Variants in IGDCC3 observed in about 807,000 individuals in gnomAD.
The protein encoded by IGDCC3 is putative neuronal cell adhesion molecule.
IGDCC3 carries 47 observed loss-of-function variants against 72.0 expected under a neutral mutation model. That is an observed-to-expected ratio of 0.65 (90% CI 0.52 to 0.83). The LOEUF (loss-of-function observed/expected upper bound fraction) is 0.83. Among genes scored for constraint, IGDCC3 ranks in the 40% least tolerant of loss-of-function variants. The pLI, the probability that IGDCC3 is intolerant of heterozygous loss-of-function variation, is 0.00. For synonymous variants in IGDCC3, 477 were observed against 472.8 expected, an observed-to-expected ratio of 1.01 and a Z score of -0.11; for missense variants, 1,038 against 1,091.3, an observed-to-expected ratio of 0.95 and a Z score of 0.69.
Position 65,335,899 on chromosome 15 carries a change from G to A in IGDCC3, c.467C>T (p.Ala156Val), listed in dbSNP as rs1424587753. ...CCCATGGATTTGGCACTGGAAGCGG[G>A]CCACACCACCCTCCTCACCCACGGT... ...QATVGEEGGV[A>V]RFQCQIHGLP... Residue 156 changes from alanine to valine, a missense_variant, in exon 3 of 14, where the codon GCC becomes GTC. Transcript: ENST00000327987. 1.2e-6 allele frequency: 2 copies of A among 1,614,034 alleles called. No homozygotes were observed. The highest frequency in any genetic ancestry group is 2.7e-5 in the African/African-American group (2 of 74,920).
chr15:65,347,011 C>G (rs554036940), intron 2 of IGDCC3, among the ~76,000 whole-genome samples: 1 of 152,292 alleles, frequency 6.6e-6, no homozygotes, highest in Non-Finnish European at 1.5e-5. Flanking sequence ...AGCAGAGCCC[C>G]TCTCCACAGA....
At chr15:65,345,189 CA>C (rs2091115246) in intron 2 of IGDCC3, among the ~76,000 whole-genome samples, 1 of 152,160 alleles carries the variant, frequency 6.6e-6, no homozygotes, top group African/African-American at 2.4e-5. Flanking sequence ...GACATTCTGA[CA>C]CCCCAGGAGC....
chr15:65,336,082 T>C, intron 2 of IGDCC3, 126 bp from the exon 3 acceptor site: 1 of 944,202 alleles, frequency 1.1e-6, no homozygotes, highest in Non-Finnish European at 1.6e-6. Context: ...GGAGTTTTCC[T>C]GCAAGGGCAA....
At chr15:65,364,682 G>C (rs2091279796) in intron 2 of IGDCC3, among the ~76,000 whole-genome samples, 1 of 151,946 alleles carries the variant, frequency 6.6e-6, no homozygotes, top group Admixed American at 6.6e-5. Context: ...AGGAGTTTGA[G>C]GCCAGCCTGA....
At chr15:65,351,217 A>T (rs954070241) in intron 2 of IGDCC3, among the ~76,000 whole-genome samples, 1 of 152,252 alleles carries the variant, frequency 6.6e-6, no homozygotes, top group African/African-American at 2.4e-5. Context: ...TTCACAAAAA[A>T]ATGTAAAGGG....
chr15:65,334,717 A>G lies in IGDCC3; in HGVS notation c.823+11T>C, dbSNP rs1419589325. ...GCTGGGAGGGGCAGGGGCTGTGGGGATGAGGCTCACCCAGGCGGCTCCAGG... is the reference window on the plus strand; with the variant it reads ...GCTGGGAGGGGCAGGGGCTGTGGGGGTGAGGCTCACCCAGGCGGCTCCAGG... On this transcript the variant is annotated intron_variant, in intron 5 of 13. Coordinates refer to ENST00000327987, the MANE Select transcript of IGDCC3 (RefSeq NM_004884.4). 3.9e-6 allele frequency: 6 copies of G among 1,547,324 alleles called. No individual in the cohort carries two copies. Among genetic ancestry groups the G allele is most frequent in the Middle Eastern group, 1.8e-4 (1 of 5,448 alleles).
chr15:65,376,231 A>C (rs2091358022), intron 1 of IGDCC3, among the ~76,000 whole-genome samples: 1 of 152,154 alleles, frequency 6.6e-6, no homozygotes, highest in Non-Finnish European at 1.5e-5. Flanking sequence ...CTTCCAGCCA[A>C]CCTCTCTGCT....
chr15:65,329,013 C>T lies in IGDCC3; in HGVS notation c.2341G>A (p.Ala781Thr). The change falls in exon 14 of 14, where the codon GCT (alanine) becomes ACT (threonine). Residue 781 changes from alanine to threonine, a missense_variant. Physicochemically the swap from Ala to Thr is moderately conservative, Grantham distance 58. Transcript: ENST00000327987. This position sits in a 1 kb window ranked among gnomAD's most constrained non-coding sequence, Gnocchi z 4.1. ...EATAPCAGLA[A>T]APPPPDGGPG... is the part of the protein sequence containing the mutation. ...CCTCCATCTGGGGGTGGTGGGGCAGCCGCCAGGCCGGCGCAGGGAGCCGTG... is the reference window on the plus strand; with the variant it reads ...CCTCCATCTGGGGGTGGTGGGGCAGTCGCCAGGCCGGCGCAGGGAGCCGTG... 3 of 1,611,690 alleles carry T rather than the reference C, an allele frequency of 1.9e-6. No individual in the cohort carries two copies. Among genetic ancestry groups the T allele is most frequent in the East Asian group, 4.5e-5 (2 of 44,824 alleles).
intron 2 of IGDCC3, among the ~76,000 whole-genome samples, chr15:65,352,143 T>G (rs2091178668): frequency 6.6e-6 from 1 of 152,242 alleles, no homozygotes; most frequent in Admixed American, 6.5e-5. Context: ...ATCTTTTTAA[T>G]TTTGCTTAAA....
At chr15:65,375,691 T>C (rs1345247916) in intron 1 of IGDCC3, among the ~76,000 whole-genome samples, 2 of 152,248 alleles carry the variant, frequency 1.3e-5, no homozygotes, top group Non-Finnish European at 2.9e-5. Context: ...TCAAGTGACT[T>C]GCCCAGGGTC....
chr15:65,373,275 T>C (rs2140173889), intron 2 of IGDCC3, among the ~76,000 whole-genome samples: 1 of 152,216 alleles, frequency 6.6e-6, no homozygotes, highest in South Asian at 2.1e-4. Flanking sequence ...TCTGCAAATC[T>C]TACCGGGGTC....
intron 9 of IGDCC3, 129 bp downstream of exon 9, chr15:65,330,919 TAG>T: frequency 8.6e-7 from 1 of 1,166,960 alleles, no homozygotes. Context: ...TTCCTCCAAG[TAG>T]ACTCAGCCCT....
Position 65,330,604 on chromosome 15 carries a change from T to A in IGDCC3, c.1699A>T (p.Thr567Ser), listed in dbSNP as rs147571715. The A allele has an allele frequency of 6.2e-7, 1 of 1,613,614 alleles. No homozygotes were observed. Among genetic ancestry groups the A allele is most frequent in the Non-Finnish European group, 8.5e-7 (1 of 1,179,980 alleles). ...GTTCCAGGCAGCAGGATGGGGCCGG[T>A]GAAGGAGGTCTTGCTTGCTGGGCGG... ...FYRPASKTSF[T>S]GPILLPGTVS... Residue 567 changes from threonine to serine, a missense_variant, in exon 10 of 14, where the codon ACC (threonine) becomes TCC (serine). Thr to Ser is a moderately conservative substitution (Grantham distance 58). Transcript: ENST00000327987.
chr15:65,333,436 G>A (rs1476838173), intron 5 of IGDCC3, 21 bp from the exon 6 acceptor site: 2 of 1,579,072 alleles, frequency 1.3e-6, no homozygotes, highest in East Asian at 4.7e-5. Flanking sequence ...AGGGGAGGGG[G>A]GATGGGTGAG....
At chr15:65,333,987 TC>T in intron 5 of IGDCC3, among the ~76,000 whole-genome samples, 1 of 150,884 alleles carries the variant, frequency 6.6e-6, no homozygotes, top group East Asian at 1.9e-4. Flanking sequence ...CCCGAGCCCT[TC>T]CCCCACCCCC....
At chr15:65,338,971 T>C (rs954312087) in intron 2 of IGDCC3, among the ~76,000 whole-genome samples, 1 of 152,162 alleles carries the variant, frequency 6.6e-6, no homozygotes, top group Non-Finnish European at 1.5e-5. Context: ...GGTATGATCC[T>C]AGCTCACTGC....
intron 2 of IGDCC3, among the ~76,000 whole-genome samples, chr15:65,344,742 A>G (rs965868265): frequency 1.3e-5 from 2 of 152,170 alleles, no homozygotes; most frequent in East Asian, 3.9e-4. Context: ...ACTCAGCCCC[A>G]TAATTTGGAG....
rs1567058358 is a variant in IGDCC3 at position 65,328,294 on chromosome 15, G to GTT, written c.*614_*615insAA. The GTT allele has an allele frequency of 2.3e-5, 2 of 86,736 alleles. No homozygotes were observed. The highest frequency in any genetic ancestry group is 4.5e-4 in the South Asian group (1 of 2,224). 5.4% of individuals were successfully genotyped at this position (86,736 alleles called of 1,614,324 possible). ...CTTTCACACCTGGAAACGGGGAAGT[G>GTT]CTTTTTTTTTTTTTTTTTTTTTTAC... On this transcript the variant is annotated 3_prime_UTR_variant, in exon 14 of 14. Transcript: ENST00000327987.
intron 2 of IGDCC3, among the ~76,000 whole-genome samples, chr15:65,363,418 A>G (rs1033544855): frequency 2.0e-5 from 3 of 152,136 alleles, no homozygotes; most frequent in Non-Finnish European, 4.4e-5. Context: ...CTGGACCCCC[A>G]AGAGGGTGTG....
Sources: gnomAD v4.1 joint callset for allele counts (sites outside exome capture counted in the v4.1 genomes callset) on GRCh38, gnomAD v4.1.1 for gene constraint, Gnocchi (gnomAD v3.1) non-coding constraint, MANE v1.5 for transcripts, NCBI Gene and HGNC (gene_info 2026-07-23, HGNC 2026-07-21) for gene names.